BCAR3: variants seen among roughly 807,000 people sequenced by gnomAD.
BCAR3 encodes the protein breast cancer anti-estrogen resistance protein 3.
A neutral mutation model predicts 80.1 loss-of-function variants in BCAR3; 37 were observed. The ratio of observed to expected loss-of-function variants is 0.46; its 90% CI spans 0.36 to 0.61. The LOEUF (loss-of-function observed/expected upper bound fraction) is 0.61, where lower values mean the gene tolerates loss of function less well. Among genes scored for constraint, BCAR3 ranks in the 20% least tolerant of loss-of-function variants. BCAR3 has a pLI of 0.00. For missense variants in BCAR3, 978 were observed against 1,068.2 expected (o/e 0.92, Z 1.18); for synonymous variants, 389 against 418.9 (o/e 0.93, Z 0.87).
rs143812002 is a variant in BCAR3, at chr1:93,597,899, T to C, written c.358-5506A>G. Among the ~76,000 whole-genome samples the C allele has an allele frequency of 2.2e-3, 338 of 152,316 alleles. 1 individual carries two copies. Among genetic ancestry groups the C allele is most frequent in the Middle Eastern group, 0.02 (6 of 294 alleles). The stretch of plus-strand genomic sequence containing the variant: ...TCGGTTACACGGAGGGGACTGGTCC[T>C]AGCTTGCTGGGACTGGCTCCAAGAA... On this transcript the variant is annotated intron_variant, in intron 3 of 11. Transcript: ENST00000260502.
intron 3 of BCAR3, among the ~76,000 whole-genome samples, chr1:93,622,181 G>A (rs146911937): frequency 2.6e-3 from 394 of 152,274 alleles, no homozygotes; most frequent in Non-Finnish European, 3.2e-3. Flanking sequence ...TTACAGGCGT[G>A]AGCCACCATG....
At chr1:93,731,231 C>T (rs1373067662) in intron 2 of BCAR3, among the ~76,000 whole-genome samples, 1 of 152,168 alleles carries the variant, frequency 6.6e-6, no homozygotes, top group Admixed American at 6.5e-5. Flanking sequence ...CAGTAAAGGA[C>T]ATGGGGAGAA....
intron 2 of BCAR3, chr1:93,754,084 A>T (rs1651666576): frequency 6.6e-6 from 1 of 152,254 alleles, no homozygotes; most frequent in African/African-American, 2.4e-5. Context: ...TATTGAACTT[A>T]AAACTGAATG....
intron 1 of BCAR3, chr1:93,681,003 CAACT>C (rs1483099642): frequency 6.6e-6 from 1 of 152,384 alleles, no homozygotes; most frequent in Non-Finnish European, 1.5e-5. Context: ...GCAACACAAC[CAACT>C]ATTCATTCTT....
At chr1:93,723,209 A>G (rs1203514964) in intron 2 of BCAR3, 1 of 152,394 alleles carries the variant, frequency 6.6e-6, no homozygotes, top group East Asian at 1.9e-4. Flanking sequence ...CTTAGCAAGG[A>G]AAGTGGTTTG....
intron 2 of BCAR3, chr1:93,648,662 T>A (rs1283525916): frequency 1.3e-5 from 2 of 152,174 alleles, no homozygotes; most frequent in African/African-American, 4.8e-5. Context: ...CCTTCCTAAT[T>A]CATAACAGTA....
At chr1:93,815,711 T>C (rs1460752004) in intron 2 of BCAR3, among the ~76,000 whole-genome samples, 3 of 151,974 alleles carry the variant, frequency 2.0e-5, no homozygotes, top group Non-Finnish European at 2.9e-5. Flanking sequence ...AAATAAAACA[T>C]GGGAAAGGGC....
intron 3 of BCAR3, among the ~76,000 whole-genome samples, chr1:93,609,053 T>C (rs1674868160): frequency 6.6e-6 from 1 of 152,130 alleles, no homozygotes; most frequent in Admixed American, 6.5e-5. Context: ...GGGCCTCTGC[T>C]GCACCACACA....
intron 2 of BCAR3, among the ~76,000 whole-genome samples, chr1:93,727,545 T>C (rs1275397413): frequency 1.3e-5 from 2 of 152,212 alleles, no homozygotes; most frequent in Non-Finnish European, 2.9e-5. Context: ...TCAGCCTATC[T>C]GTGGCCATTA....
At chr1:93,837,911 G>T (rs916012761) in intron 2 of BCAR3, among the ~76,000 whole-genome samples, 1 of 152,200 alleles carries the variant, frequency 6.6e-6, no homozygotes, top group African/African-American at 2.4e-5. Context: ...TGTACCTGAA[G>T]AATTAATTGA....
intron 2 of BCAR3, among the ~76,000 whole-genome samples, chr1:93,737,417 C>G (rs1333453796): frequency 6.6e-6 from 1 of 152,108 alleles, no homozygotes. Flanking sequence ...TACCTAAGCA[C>G]AGAGAGACAC....
intron 2 of BCAR3, among the ~76,000 whole-genome samples, chr1:93,844,579 C>T (rs950875385): frequency 6.6e-6 from 1 of 152,202 alleles, no homozygotes; most frequent in African/African-American, 2.4e-5. Flanking sequence ...GAATCTTTCT[C>T]CCCAGATGGC....
chr1:93,562,768 C>CAAA (rs35374992), intron 11 of BCAR3, among the ~76,000 whole-genome samples: 42 of 76,870 alleles, frequency 5.5e-4, no homozygotes, highest in African/African-American at 9.0e-4. Flanking sequence ...GACTCCATCT[C>CAAA]AAAAAAAAAA....
chr1:93,625,795 A>G (rs1164991832), intron 3 of BCAR3, among the ~76,000 whole-genome samples: 1 of 152,182 alleles, frequency 6.6e-6, no homozygotes, highest in Non-Finnish European at 1.5e-5. Flanking sequence ...TAAAGGATGG[A>G]TGGAGCTCAG....
chr1:93,717,424 G>T (rs1650226308), intron 2 of BCAR3, among the ~76,000 whole-genome samples: 1 of 152,164 alleles, frequency 6.6e-6, no homozygotes, highest in African/African-American at 2.4e-5. Flanking sequence ...CTACATGGAA[G>T]TAAGAATTGG....
At chr1:93,721,419 C>A (rs919089367) in intron 2 of BCAR3, among the ~76,000 whole-genome samples, 1 of 152,152 alleles carries the variant, frequency 6.6e-6, no homozygotes, top group African/African-American at 2.4e-5. Context: ...ACTCAAATGT[C>A]CCCTCCCCTG....
intron 2 of BCAR3, among the ~76,000 whole-genome samples, chr1:93,800,681 T>C (rs1653447022): frequency 6.6e-6 from 1 of 152,230 alleles, no homozygotes; most frequent in Non-Finnish European, 1.5e-5. Context: ...CTCTGAATTT[T>C]CTGATTTATA....
At chr1:93,817,799 C>T (rs1242327647) in intron 2 of BCAR3, among the ~76,000 whole-genome samples, 1 of 152,200 alleles carries the variant, frequency 6.6e-6, no homozygotes, top group Non-Finnish European at 1.5e-5. Context: ...TACCCCCCCA[C>T]ATCCCTGCCC....
rs58706715 is a variant in BCAR3 at position 93,675,925 on chromosome 1, C to CAAAAAAAAAAAAAAAAAAAAAAAAAAAAA, written c.-11-985_-11-984insTTTTTTTTTTTTTTTTTTTTTTTTTTTTT. 7.8e-5 allele frequency among the ~76,000 whole-genome samples: 4 copies of CAAAAAAAAAAAAAAAAAAAAAAAAAAAAA among 51,452 alleles called. 1 individual carries two copies. The highest frequency in any genetic ancestry group is 2.9e-4 in the Admixed American group (1 of 3,444). 33.8% of individuals were successfully genotyped at this position (51,452 alleles called of 152,430 possible). ...CACACAGAGGAAAAGAAATAGGAGA[C>CAAAAAAAAAAAAAAAAAAAAAAAAAAAAA]AAAAAAAAAAAAAAAAAAAAAAAAA... is the stretch of plus-strand genomic sequence containing the variant. On this transcript the variant is annotated intron_variant, in intron 1 of 11. Coordinates refer to ENST00000260502, the MANE Select transcript of BCAR3 (RefSeq NM_003567.4).
Sources: allele counts gnomAD v4.1 joint callset (sites outside exome capture counted in the v4.1 genomes callset), GRCh38; gene constraint gnomAD v4.1.1; transcripts MANE v1.5; gene names NCBI Gene and HGNC (gene_info 2026-07-23, HGNC 2026-07-21).